Variants in PRKG1 observed in about 807,000 individuals in gnomAD.
The protein encoded by PRKG1 is protein kinase cGMP-dependent 1, also known as cGMP-dependent protein kinase 1.
In PRKG1, 35 loss-of-function variants were observed where a neutral mutation model predicts 88.1. The observed-to-expected ratio is 0.40, with a 90% CI of 0.30 to 0.53. The LOEUF (loss-of-function observed/expected upper bound fraction) is 0.53, where lower values mean the gene tolerates loss of function less well. Ranked by LOEUF, PRKG1 falls within the 20% of genes least tolerant of loss-of-function variation. The pLI is 0.59. For synonymous variants in PRKG1, 303 were observed against 292.5 expected (o/e 1.04, Z -0.37); for missense variants, 540 against 839.8 (o/e 0.64, Z 4.41).
intron 4 of PRKG1, among the ~76,000 whole-genome samples, chr10:51,879,628 A>G (rs60959280): frequency 6.6e-6 from 1 of 152,192 alleles, no homozygotes; most frequent in East Asian, 1.9e-4. Context: ...CTATGTGTCC[A>G]TGACTTTAAA....
chr10:51,662,145 G>A (rs569653394), intron 3 of PRKG1, among the ~76,000 whole-genome samples: 1 of 152,222 alleles, frequency 6.6e-6, no homozygotes, highest in South Asian at 2.1e-4. Flanking sequence ...GTTAATGGGT[G>A]CAGCAGAACA....
intron 2 of PRKG1, among the ~76,000 whole-genome samples, chr10:51,249,870 A>G (rs1189393756): frequency 6.6e-6 from 1 of 151,786 alleles, no homozygotes. Flanking sequence ...ATTCCAGGTG[A>G]CACATTTGTA....
chr10:51,074,570 C>G lies in PRKG1; in HGVS notation c.-21C>G. The G allele has an allele frequency of 1.3e-6, 2 of 1,593,728 alleles. No individual in the cohort carries two copies. Among genetic ancestry groups the G allele is most frequent in the Non-Finnish European group, 1.7e-6 (2 of 1,166,860 alleles). On this transcript the variant is annotated 5_prime_UTR_variant, in exon 1 of 18. Coordinates refer to ENST00000373980, the MANE Select transcript of PRKG1 (RefSeq NM_006258.4). Reference sequence around the variant, plus strand: ...GACGCGGAGCAGCGGCAGGAAGGAGCCCCCGGCAGCCCGGAGGAGCATGGG... The same window carrying G: ...GACGCGGAGCAGCGGCAGGAAGGAGGCCCCGGCAGCCCGGAGGAGCATGGG...
chr10:51,177,792 C>A (rs1036719730), intron 2 of PRKG1, among the ~76,000 whole-genome samples: 2 of 151,546 alleles, frequency 1.3e-5, no homozygotes, highest in Non-Finnish European at 1.5e-5. Context: ...TTAAATTTAA[C>A]CTAATTAATG....
chr10:51,397,994 G>A (rs1181395133), intron 2 of PRKG1, among the ~76,000 whole-genome samples: 1 of 152,168 alleles, frequency 6.6e-6, no homozygotes, highest in Non-Finnish European at 1.5e-5. Flanking sequence ...GATAGCCCTT[G>A]AATGTGTAAT....
chr10:51,907,525 C>A lies in PRKG1; in HGVS notation c.717C>A (p.Ser239Arg), dbSNP rs1253529851. ...EFLKSVPTFQ[S>R]LPEEILSKLA... is the part of the protein sequence containing the mutation. ...TTTTCAGCGTTCCAACATTCCAGAG[C>A]CTTCCTGAAGAGATCCTCAGCAAGC... The change falls in exon 5 of 18, where the codon AGC becomes AGA. Residue 239 changes from serine (S) to arginine (R), a missense_variant. Around this residue, in one of 5 missense-constraint regions of PRKG1, gnomAD observed 400 missense variants for 562.7 expected, o/e 0.71. Coordinates refer to ENST00000373980, the MANE Select transcript of PRKG1 (RefSeq NM_006258.4). 1.9e-6 allele frequency: 3 copies of A among 1,613,546 alleles called. No homozygotes were observed. Among genetic ancestry groups the A allele is most frequent in the Admixed American group, 3.3e-5 (2 of 59,974 alleles).
chr10:51,093,087 C>G (rs1201345380), intron 1 of PRKG1, among the ~76,000 whole-genome samples: 1 of 152,202 alleles, frequency 6.6e-6, no homozygotes, highest in African/African-American at 2.4e-5. Flanking sequence ...TTTGCAGAAT[C>G]CAGAATGGTG....
intron 1 of PRKG1, among the ~76,000 whole-genome samples, chr10:51,083,291 C>T (rs1844159988): frequency 6.6e-6 from 1 of 152,188 alleles, no homozygotes; most frequent in Non-Finnish European, 1.5e-5. Flanking sequence ...TCAAATGTGA[C>T]ACACATTAGG....
chr10:51,175,849 C>T (rs1300526422), intron 2 of PRKG1, among the ~76,000 whole-genome samples: 1 of 152,038 alleles, frequency 6.6e-6, no homozygotes, highest in Non-Finnish European at 1.5e-5. Context: ...GAGTCTGATC[C>T]TGTTTCTGAA....
intron 4 of PRKG1, among the ~76,000 whole-genome samples, chr10:51,872,525 G>T (rs1841184855): frequency 6.6e-6 from 1 of 151,988 alleles, no homozygotes; most frequent in South Asian, 2.1e-4. Flanking sequence ...TTCCCTTGTG[G>T]CAAAGATAAA....
At chr10:51,962,139 G>A (rs1384598931) in intron 5 of PRKG1, among the ~76,000 whole-genome samples, 1 of 152,190 alleles carries the variant, frequency 6.6e-6, no homozygotes, top group African/African-American at 2.4e-5. Flanking sequence ...TTGGTTGGGA[G>A]AGAAGGGTCA....
At chr10:51,048,800 G>GGAAT (rs1843523039) in intron 1 of PRKG1, among the ~76,000 whole-genome samples, 1 of 151,876 alleles carries the variant, frequency 6.6e-6, no homozygotes, top group Non-Finnish European at 1.5e-5. Context: ...CACCTTCCAG[G>GGAAT]GAATGACTGA....
At chr10:52,126,483 T>C (rs1346290222) in intron 7 of PRKG1, among the ~76,000 whole-genome samples, 1 of 152,142 alleles carries the variant, frequency 6.6e-6, no homozygotes, top group Non-Finnish European at 1.5e-5. Flanking sequence ...TCCCCCTTTT[T>C]TTGTAATTAA....
At chr10:51,052,164 A>T (rs1843570274) in intron 1 of PRKG1, among the ~76,000 whole-genome samples, 1 of 152,182 alleles carries the variant, frequency 6.6e-6, no homozygotes. Context: ...TAGTGAATAG[A>T]TTTATATTTC....
chr10:51,078,366 G>A (rs916159112), intron 1 of PRKG1, among the ~76,000 whole-genome samples: 10 of 147,998 alleles, frequency 6.8e-5, no homozygotes, highest in Admixed American at 2.0e-4. Context: ...TTACAGGCAC[G>A]TGCCACCAAT....
chr10:51,863,999 A>C (rs1038406170), intron 4 of PRKG1, among the ~76,000 whole-genome samples: 3 of 152,070 alleles, frequency 2.0e-5, no homozygotes, highest in Non-Finnish European at 1.5e-5. Flanking sequence ...TTTCTTTCCA[A>C]CTGGTCCTGG....
At chr10:51,370,286 T>C (rs1294394264) in intron 2 of PRKG1, among the ~76,000 whole-genome samples, 1 of 152,138 alleles carries the variant, frequency 6.6e-6, no homozygotes, top group Non-Finnish European at 1.5e-5. Flanking sequence ...TTCTTTAAGA[T>C]GTAAACGCTC....
At chr10:52,271,299 A>G in intron 10 of PRKG1, 51 bp from the exon 11 acceptor site, 1 of 1,571,444 alleles carries the variant, frequency 6.4e-7, no homozygotes, top group Non-Finnish European at 8.7e-7. Context: ...ATAATAATGC[A>G]CTCTTACAAG....
At chr10:51,001,253 T>C (rs569955890) in intron 1 of PRKG1, among the ~76,000 whole-genome samples, 7 of 152,306 alleles carry the variant, frequency 4.6e-5, no homozygotes, top group Admixed American at 1.3e-4. Context: ...TCCCGTACTG[T>C]CTCCACAGCG....
Sources: allele counts gnomAD v4.1 joint callset (sites outside exome capture counted in the v4.1 genomes callset), GRCh38; gene constraint gnomAD v4.1.1; regional missense constraint gnomAD v4.1.1; transcripts MANE v1.5; gene names NCBI Gene and HGNC (gene_info 2026-07-23, HGNC 2026-07-21).